CDKAL1: variants seen among roughly 807,000 people sequenced by gnomAD.
The protein encoded by CDKAL1 is CDKAL1 threonylcarbamoyladenosine tRNA methylthiotransferase.
Under a neutral mutation model 68.2 loss-of-function variants are expected in CDKAL1, and 32 were observed. That is an observed-to-expected ratio of 0.47 (90% CI 0.35 to 0.63). The LOEUF is 0.63. CDKAL1 is among the 30% of genes least tolerant of loss of function. The pLI, the probability that CDKAL1 is intolerant of heterozygous loss-of-function variation, is 0.00. For synonymous variants in CDKAL1, 234 were observed against 244.3 expected (o/e 0.96, Z 0.39); for missense variants, 606 against 696.7 (o/e 0.87, Z 1.47).
At chr6:21,180,183 C>A (rs770938531) in intron 13 of CDKAL1, among the ~76,000 whole-genome samples, 3 of 152,112 alleles carry the variant, frequency 2.0e-5, no homozygotes, top group African/African-American at 7.2e-5. Context: ...CATTTCATCA[C>A]CAGAACAAAA....
chr6:20,941,343 T>C (rs1473059631), intron 9 of CDKAL1, among the ~76,000 whole-genome samples: 1 of 152,188 alleles, frequency 6.6e-6, no homozygotes, highest in African/African-American at 2.4e-5. Flanking sequence ...GGTCTTCTCC[T>C]TGAGTCACTA....
At chr6:20,963,330 T>C (rs1420924121) in intron 10 of CDKAL1, among the ~76,000 whole-genome samples, 1 of 151,748 alleles carries the variant, frequency 6.6e-6, no homozygotes, top group Non-Finnish European at 1.5e-5. Context: ...AAGACTTGCA[T>C]CTCTGCCCAT....
intron 5 of CDKAL1, among the ~76,000 whole-genome samples, chr6:20,671,193 AT>A (rs1769797881): frequency 1.3e-5 from 2 of 152,134 alleles, no homozygotes; most frequent in Admixed American, 1.3e-4. Context: ...TATTGTTGTC[AT>A]TCTTTATAAT....
intron 10 of CDKAL1, among the ~76,000 whole-genome samples, chr6:20,972,335 C>T (rs764370945): frequency 6.6e-6 from 1 of 152,190 alleles, no homozygotes; most frequent in Non-Finnish European, 1.5e-5. Context: ...ACACAGCCCA[C>T]TGGCAGTCAC....
intron 8 of CDKAL1, among the ~76,000 whole-genome samples, chr6:20,793,269 T>G (rs1203255742): frequency 1.3e-5 from 2 of 152,218 alleles, no homozygotes; most frequent in Admixed American, 6.5e-5. Context: ...CTATTGGTCT[T>G]ATTTTTAAAA....
At chr6:20,851,960 G>A (rs1759036311) in intron 9 of CDKAL1, among the ~76,000 whole-genome samples, 1 of 151,894 alleles carries the variant, frequency 6.6e-6, no homozygotes, top group South Asian at 2.1e-4. Flanking sequence ...TTAAAAGGGG[G>A]CCATAATTGT....
intron 5 of CDKAL1, among the ~76,000 whole-genome samples, chr6:20,732,263 C>CTTTTTTTTTTTTTTTTTTTT (rs56911987): frequency 8.7e-4 from 73 of 83,488 alleles, no homozygotes; most frequent in African/African-American, 1.2e-3. Context: ...TTCTTTCTTT[C>CTTTTTTTTTTTTTTTTTTTT]TTTTTTTTTT....
At position 20,570,097 on chromosome 6, in the gene CDKAL1, TTTAA is replaced by T. The variant is rs768390193; in HGVS notation, c.286+21403_286+21406del. ...TTTTATTTATTTATTTATTTTTATT[TTTAA>T]TTAATTAATTTTTGTTGTTGTTGTT... On this transcript the variant is annotated intron_variant, in intron 4 of 15. Transcript: ENST00000274695. Among the ~76,000 whole-genome samples the T allele has an allele frequency of 1.1e-4, 17 of 152,194 alleles. No homozygotes were observed. The East Asian group carries it at 2.9e-3, about 26-fold the overall frequency.
intron 13 of CDKAL1, among the ~76,000 whole-genome samples, chr6:21,180,347 T>TTA (rs1180533838): frequency 6.7e-6 from 1 of 149,740 alleles, no homozygotes; most frequent in African/African-American, 2.5e-5. Flanking sequence ...TAAGTTTCTT[T>TTA]TTTTTTTTTT....
At chr6:21,230,257 G>A (rs2151132199) in intron 15 of CDKAL1, among the ~76,000 whole-genome samples, 1 of 152,284 alleles carries the variant, frequency 6.6e-6, no homozygotes, top group East Asian at 1.9e-4. Flanking sequence ...CACCTTCCAG[G>A]TTCCAGCAAT....
chr6:20,784,412 C>CTTTTCTTTTTTTTT (rs1775572868), intron 8 of CDKAL1, among the ~76,000 whole-genome samples: 5 of 33,494 alleles, frequency 1.5e-4, no homozygotes, highest in African/African-American at 5.8e-4. Flanking sequence ...TATTTTATTT[C>CTTTTCTTTTTTTTT]TTTTTTTTTT....
rs989527515 is a variant in CDKAL1 at position 21,108,253 on chromosome 6, C to G, written c.1237-148C>G. 39 of 583,192 alleles carry G rather than the reference C, an allele frequency of 6.7e-5. No individual in the cohort carries two copies. The African/African-American group carries it at 6.9e-4, about 10-fold the overall frequency. 36.1% of individuals were successfully genotyped at this position (583,192 alleles called of 1,614,324 possible). The stretch of plus-strand genomic sequence containing the variant: ...GTTTTTAGTTGCACCCCTGTGTCTT[C>G]TCAGCCTCCACAAAGGAAGAATCTC... On this transcript the variant is annotated intron_variant, in intron 12 of 15. Transcript: ENST00000274695.
chr6:20,998,399 G>C (rs1767236470), intron 10 of CDKAL1, among the ~76,000 whole-genome samples: 1 of 152,028 alleles, frequency 6.6e-6, no homozygotes, highest in African/African-American at 2.4e-5. Flanking sequence ...ATCACCTGAG[G>C]TCGGGAGTTC....
At chr6:21,033,928 AG>A (rs1238546680) in intron 11 of CDKAL1, among the ~76,000 whole-genome samples, 1 of 152,172 alleles carries the variant, frequency 6.6e-6, no homozygotes, top group African/African-American at 2.4e-5. Context: ...ATGCTGGGGC[AG>A]GAGCCAGGTT....
chr6:20,634,977 CAAAAAAA>C (rs142659533), intron 4 of CDKAL1, among the ~76,000 whole-genome samples: 10 of 99,854 alleles, frequency 1.0e-4, no homozygotes, highest in Non-Finnish European at 1.2e-4. Flanking sequence ...AACCCCGTCT[CAAAAAAA>C]AAAAAAAAAA....
intron 6 of CDKAL1, among the ~76,000 whole-genome samples, chr6:20,750,488 A>G (rs896076312): frequency 3.3e-5 from 5 of 152,182 alleles, no homozygotes; most frequent in African/African-American, 1.2e-4. Flanking sequence ...GAGTCTCTTG[A>G]AAGTTCACGT....
intron 7 of CDKAL1, among the ~76,000 whole-genome samples, chr6:20,766,664 T>C (rs1455814026): frequency 6.6e-6 from 1 of 152,226 alleles, no homozygotes; most frequent in Non-Finnish European, 1.5e-5. Flanking sequence ...ATTTAGACTT[T>C]TGTGAAACTG....
At chr6:20,748,369 G>T (rs748355690) in intron 6 of CDKAL1, among the ~76,000 whole-genome samples, 7 of 151,460 alleles carry the variant, frequency 4.6e-5, no homozygotes, top group Non-Finnish European at 1.0e-4. Flanking sequence ...AATTAGCCTG[G>T]CATGATGGCA....
chr6:20,969,023 T>A (rs1320740679), intron 10 of CDKAL1, among the ~76,000 whole-genome samples: 1 of 152,146 alleles, frequency 6.6e-6, no homozygotes, highest in Non-Finnish European at 1.5e-5. Flanking sequence ...ACTGGACATT[T>A]GAATAATATA....
Sources: gnomAD v4.1 joint callset for allele counts (sites outside exome capture counted in the v4.1 genomes callset) on GRCh38, gnomAD v4.1.1 for gene constraint, MANE v1.5 for transcripts, NCBI Gene and HGNC (gene_info 2026-07-23, HGNC 2026-07-21) for gene names.